CALN1: variants seen among roughly 807,000 people sequenced by gnomAD.
CALN1 encodes the protein calneuron 1.
CALN1 carries 17 observed loss-of-function variants against 30.6 expected under a neutral mutation model. The ratio of observed to expected loss-of-function variants is 0.56; its 90% confidence interval spans 0.38 to 0.83. CALN1 has a LOEUF of 0.83. Among genes scored for constraint, CALN1 ranks in the 40% least tolerant of loss-of-function variants. The probability of loss-of-function intolerance (pLI) is 0.00; values close to 1 mark genes in which losing one functional copy is unlikely to be tolerated. For synonymous variants in CALN1, 156 were observed against 131.4 expected, an observed-to-expected ratio of 1.19 and a Z score of -1.28; for missense variants, 291 against 354.9, an observed-to-expected ratio of 0.82 and a Z score of 1.45.
At chr7:72,378,916 T>A (rs1259030562) in intron 2 of CALN1, among the ~76,000 whole-genome samples, 7 of 152,170 alleles carry the variant, frequency 4.6e-5, no homozygotes, top group Admixed American at 2.6e-4. Flanking sequence ...GGAATGAATG[T>A]TGGATTTTGT....
rs1012113306 is a variant in CALN1, at chr7:72,397,065, C to T, written c.119+6186G>A. 3.3e-5 allele frequency among the ~76,000 whole-genome samples: 5 copies of T among 151,972 alleles called. No homozygotes were observed. In the East Asian group the frequency reaches 5.8e-4, roughly 18 times the overall value. On this transcript the variant is annotated intron_variant, in intron 2 of 6. Transcript: ENST00000395275. The stretch of plus-strand genomic sequence containing the variant: ...GGCTAGGACTACAGGCATCCACCAC[C>T]GTGCCTGGTTAATTTTTTTTAGTTT...
intron 2 of CALN1, among the ~76,000 whole-genome samples, chr7:72,372,406 G>A (rs1804299989): frequency 6.6e-6 from 1 of 152,142 alleles, no homozygotes; most frequent in Non-Finnish European, 1.5e-5. Flanking sequence ...GCAGATTGGG[G>A]TTAACTAAAG....
rs535745042 is a variant in CALN1, at chr7:72,332,555, T to C, written c.120-53745A>G. On this transcript the variant is annotated intron_variant, in intron 2 of 6. Coordinates refer to ENST00000395275, the MANE Select transcript of CALN1 (RefSeq NM_031468.4). Reference sequence around the variant, plus strand: ...GTCCCACCTCCTACCTCAATAATAATAGAAAAGGTTGGTGATCATTTACTT... The same window carrying C: ...GTCCCACCTCCTACCTCAATAATAACAGAAAAGGTTGGTGATCATTTACTT... Among the ~76,000 whole-genome samples, 3 of 151,888 alleles carry C rather than the reference T, an allele frequency of 2.0e-5. 1 individual carries two copies. The highest frequency in any genetic ancestry group is 2.0e-4 in the Admixed American group (3 of 15,276).
intron 2 of CALN1, among the ~76,000 whole-genome samples, chr7:72,397,788 C>CT (rs35102658): frequency 0.59 from 88,113 of 150,372 alleles, 27,562 homozygotes; most frequent in African/African-American, 0.81. Context: ...AAGTATTAGC[C>CT]TACCCTTAGG....
chr7:72,143,265 C>A (rs1810088412), intron 3 of CALN1, among the ~76,000 whole-genome samples: 1 of 152,134 alleles, frequency 6.6e-6, no homozygotes, highest in South Asian at 2.1e-4. Context: ...ATAACCAATG[C>A]AGAGAAGTCC....
chr7:72,333,507 C>T (rs1801810759), intron 2 of CALN1, among the ~76,000 whole-genome samples: 1 of 152,134 alleles, frequency 6.6e-6, no homozygotes, highest in Admixed American at 6.6e-5. Flanking sequence ...TTCTGCTAAT[C>T]TTGAAGGATG....
At chr7:72,115,962 C>T (rs1327066015) in intron 3 of CALN1, among the ~76,000 whole-genome samples, 2 of 152,014 alleles carry the variant, frequency 1.3e-5, no homozygotes, top group Admixed American at 6.6e-5. Flanking sequence ...ACATAATGAC[C>T]TCCAGTTCCA....
chr7:71,823,175 C>T (rs182002472), intron 5 of CALN1, among the ~76,000 whole-genome samples: 10 of 145,620 alleles, frequency 6.9e-5, no homozygotes, highest in Non-Finnish European at 1.2e-4. Context: ...TCTCTCTCTC[C>T]GTCTCTCTCT....
chr7:71,808,180 TATTA>T (rs1354497605), intron 6 of CALN1, among the ~76,000 whole-genome samples: 3 of 152,104 alleles, frequency 2.0e-5, no homozygotes, highest in Admixed American at 6.6e-5. Context: ...TTACCATAAT[TATTA>T]ATTATGATAT....
intron 2 of CALN1, among the ~76,000 whole-genome samples, chr7:72,396,258 G>GAAAGAAGGAA (rs1805942505): frequency 9.1e-6 from 1 of 109,702 alleles, no homozygotes; most frequent in Non-Finnish European, 1.8e-5. Context: ...AAAAAAAAAA[G>GAAAGAAGGAA]AAAGAAAAAG....
Position 72,052,615 on chromosome 7 carries a change from T to C in CALN1, c.389-28846A>G, listed in dbSNP as rs182157773. 5.6e-3 allele frequency among the ~76,000 whole-genome samples: 850 copies of C among 152,274 alleles called. 3 individuals are homozygous for C. Among genetic ancestry groups the C allele is most frequent in the African/African-American group, 0.019 (808 of 41,558 alleles). ...ACACTTGTTTCTGGTCAGGTGAACA[T>C]GAAAACCACCGGGCTTCCCCTAACC... On this transcript the variant is annotated intron_variant, in intron 4 of 6. Coordinates refer to ENST00000395275, the MANE Select transcript of CALN1 (RefSeq NM_031468.4).
chr7:71,868,650 C>G (rs1791738539), intron 5 of CALN1, among the ~76,000 whole-genome samples: 1 of 151,836 alleles, frequency 6.6e-6, no homozygotes, highest in African/African-American at 2.4e-5. Context: ...GGGATAAGAA[C>G]TCATTCACTC....
intron 3 of CALN1, among the ~76,000 whole-genome samples, chr7:72,112,137 A>G (rs1177738872): frequency 6.6e-6 from 1 of 152,188 alleles, no homozygotes; most frequent in Non-Finnish European, 1.5e-5. Flanking sequence ...CTAATGACAC[A>G]GCCAATTCCA....
At chr7:72,265,194 C>G (rs1482541312) in intron 3 of CALN1, among the ~76,000 whole-genome samples, 1 of 152,178 alleles carries the variant, frequency 6.6e-6, no homozygotes, top group Non-Finnish European at 1.5e-5. Flanking sequence ...ATTCAACACT[C>G]TTCCTTCTTG....
chr7:72,308,372 G>GGAGA (rs150660773), intron 2 of CALN1, among the ~76,000 whole-genome samples: 22 of 92,636 alleles, frequency 2.4e-4, no homozygotes, highest in Non-Finnish European at 3.0e-4. Flanking sequence ...TGTGGGGGGG[G>GGAGA]GAGAGAGAGA....
At chr7:72,444,071 T>C (rs2129564518) in intron 1 of CALN1, among the ~76,000 whole-genome samples, 1 of 151,728 alleles carries the variant, frequency 6.6e-6, no homozygotes, top group East Asian at 2.0e-4. Flanking sequence ...ACTAAGTGTC[T>C]CCACACAAAT....
chr7:71,963,740 T>A (rs1161580846), intron 5 of CALN1, among the ~76,000 whole-genome samples: 1 of 152,230 alleles, frequency 6.6e-6, no homozygotes, highest in Middle Eastern at 3.2e-3. Flanking sequence ...AATAATAGAT[T>A]ACACTTATTA....
intron 2 of CALN1, among the ~76,000 whole-genome samples, chr7:72,376,750 ACTTT>A: frequency 6.6e-6 from 1 of 152,182 alleles, no homozygotes; most frequent in Admixed American, 6.5e-5. Context: ...TGTTGCTTGG[ACTTT>A]CTGATTCACA....
At chr7:72,392,187 AT>A (rs1462865236) in intron 2 of CALN1, among the ~76,000 whole-genome samples, 1 of 152,094 alleles carries the variant, frequency 6.6e-6, no homozygotes, top group Non-Finnish European at 1.5e-5. Flanking sequence ...CAGCCATCCC[AT>A]CCCAGGCACC....
Sources: gnomAD v4.1 joint callset for allele counts (sites outside exome capture counted in the v4.1 genomes callset) on GRCh38, gnomAD v4.1.1 for gene constraint, MANE v1.5 for transcripts, NCBI Gene and HGNC (gene_info 2026-07-23, HGNC 2026-07-21) for gene names.